The following CDH4 variants were observed in gnomAD, a reference collection of about 807,000 sequenced individuals.
CDH4 encodes cadherin-4.
Under a neutral mutation model 86.0 loss-of-function variants are expected in CDH4, and 33 were observed. The ratio of observed to expected loss-of-function variants is 0.38; its 90% CI spans 0.29 to 0.51. The LOEUF (loss-of-function observed/expected upper bound fraction) is 0.51. CDH4 is among the 20% of genes least tolerant of loss of function. CDH4 has a pLI of 0.86. For synonymous variants in CDH4, 555 were observed against 549.4 expected (o/e 1.01, Z -0.14); for missense variants, 1,114 against 1,307.4 (o/e 0.85, Z 2.28).
chr20:61,407,389 T>C (rs2085090251), intron 2 of CDH4, among the ~76,000 whole-genome samples: 1 of 152,224 alleles, frequency 6.6e-6, no homozygotes, highest in African/African-American at 2.4e-5. Flanking sequence ...CTTCACCTGT[T>C]GTCACCGAAC....
At chr20:61,892,356 G>A (rs1448287848) in intron 7 of CDH4, among the ~76,000 whole-genome samples, 1 of 152,242 alleles carries the variant, frequency 6.6e-6, no homozygotes, top group Non-Finnish European at 1.5e-5. Context: ...GCCCACGTTT[G>A]ACCCTGGAGA....
intron 2 of CDH4, among the ~76,000 whole-genome samples, chr20:61,639,077 G>A (rs566186848): frequency 6.6e-6 from 1 of 152,340 alleles, no homozygotes; most frequent in South Asian, 2.1e-4. Flanking sequence ...ATAAGTGAAT[G>A]ACAAGAGAAA....
chr20:61,471,549 C>T (rs1422876626), intron 2 of CDH4, among the ~76,000 whole-genome samples: 2 of 150,244 alleles, frequency 1.3e-5, no homozygotes, highest in South Asian at 4.2e-4. Flanking sequence ...ATTTCTTCTA[C>T]TAATTTTTGG....
intron 4 of CDH4, among the ~76,000 whole-genome samples, chr20:61,776,681 C>A (rs1240445682): frequency 6.6e-6 from 1 of 152,218 alleles, no homozygotes; most frequent in Admixed American, 6.5e-5. Flanking sequence ...AAACTGAACC[C>A]AACCTAAGTC....
intron 2 of CDH4, among the ~76,000 whole-genome samples, chr20:61,354,012 C>G (rs1568810587): frequency 6.6e-6 from 1 of 151,952 alleles, no homozygotes; most frequent in Admixed American, 6.6e-5. Flanking sequence ...CGATAATTTA[C>G]AGGGATGGGG....
intron 6 of CDH4, among the ~76,000 whole-genome samples, chr20:61,863,049 G>C (rs1374537433): frequency 6.6e-6 from 1 of 152,112 alleles, no homozygotes; most frequent in African/African-American, 2.4e-5. Context: ...TAAATCTCTA[G>C]CCTCAGTGAT....
Position 61,828,502 on chromosome 20 carries a change from A to G in CDH4, c.577-16166A>G, listed in dbSNP as rs556078549. 4.4e-4 allele frequency among the ~76,000 whole-genome samples: 67 copies of G among 152,324 alleles called. 1 individual carries two copies. The South Asian group carries it at 0.013, about 29-fold the overall frequency. On this transcript the variant is annotated intron_variant, in intron 4 of 15. Transcript: ENST00000614565. ...CAAGAAGATAGAAAGAGAGGGAGGA[A>G]CCTCTAAATTCAAGGGGATCTAAGA...
chr20:61,921,468 T>C (rs1298189478), intron 9 of CDH4, among the ~76,000 whole-genome samples: 1 of 152,244 alleles, frequency 6.6e-6, no homozygotes, highest in Non-Finnish European at 1.5e-5. Flanking sequence ...AAGCACATTT[T>C]GGGCAGGGTG....
At chr20:61,390,360 T>A (rs1166828599) in intron 2 of CDH4, among the ~76,000 whole-genome samples, 2 of 104,710 alleles carry the variant, frequency 1.9e-5, no homozygotes, top group African/African-American at 4.5e-5. Flanking sequence ...CCCGATTGGG[T>A]TCGTACAGTC....
chr20:61,284,868 A>G (rs1484851497), intron 2 of CDH4, among the ~76,000 whole-genome samples: 1 of 152,210 alleles, frequency 6.6e-6, no homozygotes, highest in Non-Finnish European at 1.5e-5. Flanking sequence ...CACCTCTGTG[A>G]CGTAGGTGAA....
chr20:61,529,237 A>G (rs961692783), intron 2 of CDH4, among the ~76,000 whole-genome samples: 4 of 152,352 alleles, frequency 2.6e-5, no homozygotes, highest in Non-Finnish European at 4.4e-5. Flanking sequence ...GGTAAGCACC[A>G]TAATTCTTGT....
chr20:61,660,223 C>T lies in CDH4; in HGVS notation c.170-83340C>T, dbSNP rs993653167. Among the ~76,000 whole-genome samples the T allele has an allele frequency of 3.3e-5, 5 of 152,228 alleles. No individual in the cohort carries two copies. The South Asian group carries it at 6.2e-4, about 19-fold the overall frequency. Reference sequence around the variant, plus strand: ...ATGGGAGCCAGAGGCCGCCCCTCCCCGTCTTTCCTTCTTGTCTTCCCCTGC... The same window carrying T: ...ATGGGAGCCAGAGGCCGCCCCTCCCTGTCTTTCCTTCTTGTCTTCCCCTGC... On this transcript the variant is annotated intron_variant, in intron 2 of 15. Transcript: ENST00000614565.
intron 5 of CDH4, among the ~76,000 whole-genome samples, chr20:61,848,107 C>G (rs938666746): frequency 6.6e-6 from 1 of 152,268 alleles, no homozygotes; most frequent in Non-Finnish European, 1.5e-5. Flanking sequence ...TGTAGATGGT[C>G]CTGCAGCAAA....
intron 11 of CDH4, 27 bp downstream of exon 11, chr20:61,924,503 G>T: frequency 1.9e-6 from 3 of 1,602,916 alleles, no homozygotes; most frequent in Non-Finnish European, 2.6e-6. Flanking sequence ...GGAGGCAGCC[G>T]TCTCGGTGGC....
At chr20:61,360,515 CAG>C (rs2084777836) in intron 2 of CDH4, among the ~76,000 whole-genome samples, 1 of 152,162 alleles carries the variant, frequency 6.6e-6, no homozygotes. Flanking sequence ...TCCAGTGCTG[CAG>C]AGATGAGACC....
At chr20:61,553,773 C>G (rs1179599424) in intron 2 of CDH4, among the ~76,000 whole-genome samples, 3 of 152,224 alleles carry the variant, frequency 2.0e-5, no homozygotes, top group Non-Finnish European at 4.4e-5. Context: ...TTCTATCTCC[C>G]TATCCCCTGT....
intron 2 of CDH4, among the ~76,000 whole-genome samples, chr20:61,727,605 T>C (rs970970978): frequency 6.6e-6 from 1 of 152,192 alleles, no homozygotes; most frequent in Non-Finnish European, 1.5e-5. Context: ...GGCATGGGCA[T>C]CTGCTTCTGG....
chr20:61,723,132 C>T (rs963654683), intron 2 of CDH4, among the ~76,000 whole-genome samples: 1 of 152,186 alleles, frequency 6.6e-6, no homozygotes, highest in Non-Finnish European at 1.5e-5. Flanking sequence ...TCATGTGTCC[C>T]CGACTCCCAG....
intron 2 of CDH4, among the ~76,000 whole-genome samples, chr20:61,258,725 A>G (rs2084114437): frequency 6.6e-6 from 1 of 152,216 alleles, no homozygotes; most frequent in Non-Finnish European, 1.5e-5. Flanking sequence ...TGCCTGCCTA[A>G]TCCTCTTCTT....
Sources: allele counts gnomAD v4.1 joint callset (sites outside exome capture counted in the v4.1 genomes callset), GRCh38; gene constraint gnomAD v4.1.1; transcripts MANE v1.5; gene names NCBI Gene and HGNC (gene_info 2026-07-23, HGNC 2026-07-21).